The following NELFE variants were observed in gnomAD, a reference collection of about 807,000 sequenced individuals.
The protein encoded by NELFE is negative elongation factor complex member E.
A neutral mutation model predicts 55.5 loss-of-function variants in NELFE; 26 were observed. That is an observed-to-expected ratio of 0.47 (90% CI 0.34 to 0.65). The LOEUF (loss-of-function observed/expected upper bound fraction) is 0.65. NELFE is among the 30% of genes least tolerant of loss of function. The probability of loss-of-function intolerance (pLI) is 0.01; values close to 1 mark genes in which losing one functional copy is unlikely to be tolerated. For missense variants in NELFE, 403 were observed against 506.9 expected (o/e 0.80, Z 1.97); for synonymous variants, 162 against 178.0 (o/e 0.91, Z 0.72).
chr6:31,952,368 C>A lies in NELFE; in HGVS notation c.1076G>T (p.Arg359Leu), dbSNP rs755561816. Residue 359 changes from arginine to leucine, a missense_variant, in exon 11 of 11, where the codon CGG becomes CTG. Arg to Leu is a moderately radical substitution (Grantham distance 102). Around this residue, in one of 3 missense-constraint regions of NELFE, gnomAD observed 77 missense variants for 123.3 expected, o/e 0.62. Transcript: ENST00000375429. ...GTAGACAATCTGGGTCCTCTTGTCC[C>A]GGTGGCAACCCTTAGGGCTGTTCTG... ...AVQNSPKGCH[R>L]DKRTQIVYSD... The A allele has an allele frequency of 1.1e-5, 17 of 1,614,070 alleles. No homozygotes were observed. The highest frequency in any genetic ancestry group is 1.3e-5 in the Non-Finnish European group (15 of 1,179,978).
intron 1 of NELFE, 122 bp downstream of exon 1, chr6:31,958,770 G>A: frequency 2.9e-6 from 2 of 697,860 alleles, no homozygotes; most frequent in South Asian, 1.5e-5. Context: ...GGACAACCGC[G>A]GGGTTTGAAC....
Position 31,954,406 on chromosome 6 carries a change from T to G in NELFE, c.779A>C (p.Lys260Thr). Residue 260 changes from lysine (K) to threonine (T), a missense_variant, in exon 8 of 11, where the codon AAA becomes ACA. Physicochemically the swap from Lys to Thr is moderately conservative, Grantham distance 78 (BLOSUM62 -1). Around this residue, in one of 3 missense-constraint regions of NELFE, gnomAD observed 229 missense variants for 228.3 expected, o/e 1.00. Coordinates refer to ENST00000375429, the MANE Select transcript of NELFE (RefSeq NM_002904.6). This position sits in a 1 kb window ranked among gnomAD's most constrained non-coding sequence, Gnocchi z 5.5. ...DSFPERRAPR[K>T]GNTLYVYGED... The stretch of plus-strand genomic sequence containing the variant: ...TCCATATACATAGAGAGTATTCCCT[T>G]TCCTAGGGGCTCGCCGTTCAGGGAA... The G allele has an allele frequency of 6.2e-7, 1 of 1,609,984 alleles. No individual in the cohort carries two copies.
At position 31,958,916 on chromosome 6, in the gene NELFE, C is replaced by T. The variant is rs1478266450; in HGVS notation, c.-33G>A. The T allele has an allele frequency of 8.4e-6, 5 of 594,608 alleles. No homozygotes were observed. Among genetic ancestry groups the T allele is most frequent in the South Asian group, 2.0e-5 (1 of 49,414 alleles). 36.8% of individuals were successfully genotyped at this position (594,608 alleles called of 1,614,324 possible). On this transcript the variant is annotated 5_prime_UTR_variant, in exon 1 of 11. Coordinates refer to ENST00000375429, the MANE Select transcript of NELFE (RefSeq NM_002904.6). ...CCCGAGGGGGCGGCAACCGGGGGCCCCACGGTCTCCGGCCGCGCCCGCGCT... is the reference window on the plus strand; with the variant it reads ...CCCGAGGGGGCGGCAACCGGGGGCCTCACGGTCTCCGGCCGCGCCCGCGCT...
Position 31,952,187 on chromosome 6 carries a change from C to A in NELFE, c.*114G>T. On this transcript the variant is annotated 3_prime_UTR_variant, in exon 11 of 11. Transcript: ENST00000375429. The stretch of plus-strand genomic sequence containing the variant: ...ACAGCCGTTTTTAAAGGTTTAACCC[C>A]AATCCCAAGTGCTGAAAAACCAGAG... The A allele has an allele frequency of 1.4e-6, 2 of 1,415,092 alleles. No individual in the cohort carries two copies. Among genetic ancestry groups the A allele is most frequent in the Non-Finnish European group, 2.0e-6 (2 of 1,013,202 alleles). The allele number at this position is 1,415,092 out of a possible 1,614,324, so 87.7% of individuals were successfully genotyped here.
intron 9 of NELFE, 117 bp downstream of exon 9, chr6:31,953,963 A>G: frequency 7.4e-7 from 1 of 1,355,076 alleles, no homozygotes; most frequent in Non-Finnish European, 1.0e-6. Flanking sequence ...TTCTGTGTGA[A>G]TAGGGAGAGG....
Position 31,958,763 on chromosome 6 carries a change from C to A in NELFE, c.-9+129G>T. ...CCCCCTACCCTCGCTAGGGTAAGGA[C>A]AACCGCGGGGTTTGAACGGCAGAGA... On this transcript the variant is annotated intron_variant, in intron 1 of 10. Transcript: ENST00000375429. 4.3e-6 allele frequency: 3 copies of A among 699,192 alleles called. No homozygotes were observed. The South Asian group carries it at 4.5e-5, about 10-fold the overall frequency. 43.3% of individuals were successfully genotyped at this position (699,192 alleles called of 1,614,324 possible). A position where few individuals can be genotyped will look rare whatever the true frequency, so the allele number is the denominator to read the frequency against.
chr6:31,955,014 A>C, intron 6 of NELFE, 45 bp downstream of exon 6: 4 of 1,613,450 alleles, frequency 2.5e-6, no homozygotes, highest in South Asian at 2.2e-5. Flanking sequence ...GGACTCAGGC[A>C]ATCAACTCCA....
In NELFE at chr6:31,952,151, G is replaced by A. The variant is rs986307449; in HGVS notation, c.*150C>T. On this transcript the variant is annotated 3_prime_UTR_variant, in exon 11 of 11. Coordinates refer to ENST00000375429, the MANE Select transcript of NELFE (RefSeq NM_002904.6). The stretch of plus-strand genomic sequence containing the variant: ...GGCACTGGCCATGTTGTTACACTGA[G>A]ATCAAACCTGACAGCCGTTTTTAAA... 3 of 1,478,046 alleles carry A rather than the reference G, an allele frequency of 2.0e-6. No homozygotes were observed. Among genetic ancestry groups the A allele is most frequent in the South Asian group, 1.2e-5 (1 of 86,584 alleles). The allele number at this position is 1,478,046 out of a possible 1,614,324, so 91.6% of individuals were successfully genotyped here.
Position 31,954,178 on chromosome 6 carries a change from T to A in NELFE, c.888-44A>T. On this transcript the variant is annotated intron_variant, in intron 8 of 10. Transcript: ENST00000375429. This position sits in a 1 kb window ranked among gnomAD's most constrained non-coding sequence, Gnocchi z 5.5. The stretch of plus-strand genomic sequence containing the variant: ...CGGTCAGTGGAGAGCCAAGGGGCTC[T>A]TCTGGACCCAACCAAACCCAGTGAT... The A allele has an allele frequency of 6.2e-7, 1 of 1,613,042 alleles. No individual in the cohort carries two copies. Among genetic ancestry groups the A allele is most frequent in the South Asian group, 1.1e-5 (1 of 91,058 alleles).
Position 31,956,679 on chromosome 6 carries a change from C to G in NELFE, c.291+14G>C, listed in dbSNP as rs1355803889. 1 of 1,587,270 alleles carries G rather than the reference C, an allele frequency of 6.3e-7. No homozygotes were observed. The highest frequency in any genetic ancestry group is 8.6e-7 in the Non-Finnish European group (1 of 1,161,090). On this transcript the variant is annotated intron_variant, in intron 4 of 10. Coordinates refer to ENST00000375429, the MANE Select transcript of NELFE (RefSeq NM_002904.6). ...GAGGGATGCCCTTTAAACAATCTTT[C>G]TGCTTGTGCTCACCTTTAACTTCCC...
intron 4 of NELFE, 124 bp from the exon 5 acceptor site, chr6:31,955,417 C>T: frequency 1.6e-6 from 1 of 613,084 alleles, no homozygotes; most frequent in Non-Finnish European, 2.8e-6. Context: ...TTTAATTCTA[C>T]ATACATTTCT....
chr6:31,958,266 T>C lies in NELFE; in HGVS notation c.75+106A>G, dbSNP rs534595569. ...GCTACACTGTGAGGTGATATGTCTC[T>C]AGGTATGGGCCAGAAAAACTTCCCC... On this transcript the variant is annotated intron_variant, in intron 2 of 10. Coordinates refer to ENST00000375429, the MANE Select transcript of NELFE (RefSeq NM_002904.6). 1.6e-4 allele frequency: 154 copies of C among 989,514 alleles called. No homozygotes were observed. In the African/African-American group the frequency reaches 1.9e-3, roughly 12 times the overall value. 61.3% of individuals were successfully genotyped at this position (989,514 alleles called of 1,614,324 possible).
intron 2 of NELFE, 190 bp downstream of exon 2, chr6:31,958,182 A>G (rs1376789528): frequency 6.5e-6 from 4 of 616,586 alleles, no homozygotes; most frequent in Non-Finnish European, 1.2e-5. Context: ...AATCCATGGC[A>G]AATTGCATAG....
chr6:31,956,711 G>C lies in NELFE; in HGVS notation c.273C>G (p.Thr91=), dbSNP rs767089481. The C allele has an allele frequency of 6.2e-7, 1 of 1,606,628 alleles. No homozygotes were observed. The highest frequency in any genetic ancestry group is 8.5e-7 in the Non-Finnish European group (1 of 1,174,590). The stretch of plus-strand genomic sequence containing the variant: ...TGCTCACCTTTAACTTCCCCTCAAG[G>C]GTTCGAGAACGCTTGAAGCCTGAGT... The part of the protein sequence containing the change: ...TKNSGFKRSR[T]LEGKLKDPEK... Residue 91 remains threonine (T), a synonymous_variant, in exon 4 of 11, where the codon ACC becomes ACG. Transcript: ENST00000375429.
Position 31,958,945 on chromosome 6 carries a change from C to G in NELFE, c.-62G>C. Reference sequence around the variant, plus strand: ...GGTCTCCGGCCGCGCCCGCGCTGGCCGCTGATAGCGGGCTCACAACGATGA... The same window carrying G: ...GGTCTCCGGCCGCGCCCGCGCTGGCGGCTGATAGCGGGCTCACAACGATGA... On this transcript the variant is annotated 5_prime_UTR_variant, in exon 1 of 11. Transcript: ENST00000375429. The G allele has an allele frequency of 1.7e-6, 1 of 596,686 alleles. No individual in the cohort carries two copies. Among genetic ancestry groups the G allele is most frequent in the Non-Finnish European group, 3.0e-6 (1 of 337,306 alleles). 37.0% of individuals were successfully genotyped at this position (596,686 alleles called of 1,614,324 possible).
chr6:31,955,441 TTTAC>T (rs1259707257), intron 4 of NELFE, 148 bp from the exon 5 acceptor site: 3 of 565,556 alleles, frequency 5.3e-6, no homozygotes, highest in East Asian at 6.1e-5. Flanking sequence ...TTGACGTGGT[TTTAC>T]TTATTTTTTT....
chr6:31,958,692 A>G (rs894655176), intron 1 of NELFE, 200 bp downstream of exon 1: 12 of 703,018 alleles, frequency 1.7e-5, no homozygotes, highest in Non-Finnish European at 3.1e-5. Flanking sequence ...ATGTGGTTCA[A>G]GGAGGGACAA....
At position 31,956,812 on chromosome 6, in the gene NELFE, T is replaced by C. The variant is rs1241134054; in HGVS notation, c.172A>G (p.Thr58Ala). The change falls in exon 4 of 11, where the codon ACA becomes GCA. Residue 58 changes from threonine to alanine, a missense_variant. Thr to Ala is a moderately conservative substitution (Grantham distance 58, BLOSUM62 0). This residue lies in a region of NELFE where 97 missense variants were observed against 155.3 expected (regional missense o/e 0.62). Coordinates refer to ENST00000375429, the MANE Select transcript of NELFE (RefSeq NM_002904.6). ...TTTGCCTGCTCTGTTGCTGTGGCTG[T>C]GTCCATGACAGGCTGCTCTGATAGT... ...RSLSEQPVMD[T>A]ATATEQAKQL... 6.2e-7 allele frequency: 1 copy of C among 1,613,090 alleles called. No individual in the cohort carries two copies.
chr6:31,952,691 C>G (rs1368652280), intron 10 of NELFE, among the ~76,000 whole-genome samples: 1 of 152,200 alleles, frequency 6.6e-6, no homozygotes. Flanking sequence ...ATGTCAGAAG[C>G]TAAAAACTAG....
Sources: gnomAD v4.1 joint callset for allele counts (sites outside exome capture counted in the v4.1 genomes callset) on GRCh38, gnomAD v4.1.1 for gene constraint, gnomAD v4.1.1 regional missense constraint, Gnocchi (gnomAD v3.1) non-coding constraint, MANE v1.5 for transcripts, NCBI Gene and HGNC (gene_info 2026-07-23, HGNC 2026-07-21) for gene names.